GRIA1: variants seen among roughly 807,000 people sequenced by gnomAD.
GRIA1 encodes glutamate receptor 1.
In GRIA1, 31 loss-of-function variants were observed where a neutral mutation model predicts 99.2. That is an observed-to-expected ratio of 0.31 (90% confidence interval 0.23 to 0.42). GRIA1 has a LOEUF of 0.42. GRIA1 is among the 10% of genes least tolerant of loss of function. GRIA1 has a pLI of 1.00. For missense variants in GRIA1, 782 were observed against 1,157.5 expected (o/e 0.68, Z 4.71); for synonymous variants, 438 against 432.4 (o/e 1.01, Z -0.16).
chr5:153,492,688 A>G (rs1754039055), intron 1 of GRIA1, among the ~76,000 whole-genome samples: 1 of 152,108 alleles, frequency 6.6e-6, no homozygotes, highest in African/African-American at 2.4e-5. Context: ...AGGATGTTTC[A>G]TGTATGTGCT....
At chr5:153,671,967 G>A (rs533646115) in intron 5 of GRIA1, among the ~76,000 whole-genome samples, 3 of 152,244 alleles carry the variant, frequency 2.0e-5, no homozygotes, top group African/African-American at 7.2e-5. Context: ...GGGTGCTGGG[G>A]GTAACTCTAC....
At chr5:153,603,187 T>C (rs933835792) in intron 2 of GRIA1, among the ~76,000 whole-genome samples, 8 of 151,902 alleles carry the variant, frequency 5.3e-5, no homozygotes, top group African/African-American at 1.7e-4. Flanking sequence ...GTTTTTTGTC[T>C]TTGTGATAGT....
chr5:153,647,782 A>G (rs1290122856), intron 3 of GRIA1, among the ~76,000 whole-genome samples: 1 of 152,158 alleles, frequency 6.6e-6, no homozygotes. Flanking sequence ...TGAATTTAAC[A>G]TCACATTTTC....
intron 7 of GRIA1, among the ~76,000 whole-genome samples, chr5:153,682,631 A>C (rs1477271506): frequency 1.3e-5 from 2 of 151,962 alleles, no homozygotes; most frequent in African/African-American, 2.4e-5. Context: ...AATTCCTCTT[A>C]ACCCCGATGC....
chr5:153,723,847 T>C (rs549496437), intron 11 of GRIA1, among the ~76,000 whole-genome samples: 191 of 152,164 alleles, frequency 1.3e-3, no homozygotes, highest in Non-Finnish European at 1.5e-3. Flanking sequence ...AGCAGTAACC[T>C]CTGCAGACTT....
At chr5:153,672,872 C>A (rs1316660780) in intron 5 of GRIA1, among the ~76,000 whole-genome samples, 3 of 152,166 alleles carry the variant, frequency 2.0e-5, no homozygotes, top group Non-Finnish European at 4.4e-5. Flanking sequence ...CCTGTATGAT[C>A]CCACTCAAAT....
chr5:153,507,584 G>A (rs562251169), intron 2 of GRIA1, among the ~76,000 whole-genome samples: 4 of 152,072 alleles, frequency 2.6e-5, no homozygotes, highest in South Asian at 2.1e-4. Context: ...TCAATATTAT[G>A]TGTTGATTTC....
chr5:153,799,926 T>C (rs756897241), intron 14 of GRIA1, among the ~76,000 whole-genome samples: 1 of 152,150 alleles, frequency 6.6e-6, no homozygotes, highest in Non-Finnish European at 1.5e-5. Context: ...TTCCTAGATA[T>C]ACTGGAAGTG....
intron 2 of GRIA1, among the ~76,000 whole-genome samples, chr5:153,632,856 A>C (rs900234341): frequency 6.6e-6 from 1 of 152,236 alleles, no homozygotes; most frequent in Admixed American, 6.5e-5. Flanking sequence ...ACATGCTAAG[A>C]CAGAAAGTAC....
intron 2 of GRIA1, among the ~76,000 whole-genome samples, chr5:153,604,340 A>G (rs1765266852): frequency 6.6e-6 from 1 of 152,230 alleles, no homozygotes; most frequent in Non-Finnish European, 1.5e-5. Context: ...TAGTTCATGG[A>G]TGAAATATGT....
At chr5:153,713,345 C>T (rs1240777719) in intron 11 of GRIA1, among the ~76,000 whole-genome samples, 1 of 152,248 alleles carries the variant, frequency 6.6e-6, no homozygotes, top group Non-Finnish European at 1.5e-5. Context: ...CACAAAGGGA[C>T]TGGCCCAGGT....
At chr5:153,525,980 A>G (rs1303480425) in intron 2 of GRIA1, among the ~76,000 whole-genome samples, 2 of 152,174 alleles carry the variant, frequency 1.3e-5, no homozygotes, top group Non-Finnish European at 2.9e-5. Flanking sequence ...AGCAACAGTC[A>G]CTCAACACTG....
At chr5:153,747,263 G>C (rs1231962520) in intron 11 of GRIA1, among the ~76,000 whole-genome samples, 2 of 152,146 alleles carry the variant, frequency 1.3e-5, no homozygotes, top group African/African-American at 4.8e-5. Flanking sequence ...AAGAGAGGGG[G>C]CAAGAGGGAG....
intron 2 of GRIA1, among the ~76,000 whole-genome samples, chr5:153,574,793 TC>T (rs1762395497): frequency 6.6e-6 from 1 of 152,102 alleles, no homozygotes; most frequent in South Asian, 2.1e-4. Flanking sequence ...GGGTTCTAGT[TC>T]TTTCAGATAG....
At chr5:153,765,863 G>GT (rs1229396613) in intron 12 of GRIA1, among the ~76,000 whole-genome samples, 5 of 152,116 alleles carry the variant, frequency 3.3e-5, no homozygotes, top group Non-Finnish European at 7.4e-5. Context: ...GTTAGGATAG[G>GT]TCCCCATTTT....
intron 10 of GRIA1, among the ~76,000 whole-genome samples, chr5:153,703,178 C>T (rs1328406878): frequency 6.6e-6 from 1 of 152,188 alleles, no homozygotes; most frequent in Non-Finnish European, 1.5e-5. Flanking sequence ...AGTAGTTGAA[C>T]TTAGCATCTC....
At chr5:153,524,943 A>G (rs1581173884) in intron 2 of GRIA1, among the ~76,000 whole-genome samples, 1 of 152,220 alleles carries the variant, frequency 6.6e-6, no homozygotes, top group East Asian at 1.9e-4. Context: ...TATTTGCTAT[A>G]TTTGGCAGAA....
At chr5:153,536,996 C>T (rs948497062) in intron 2 of GRIA1, among the ~76,000 whole-genome samples, 1 of 152,138 alleles carries the variant, frequency 6.6e-6, no homozygotes, top group African/African-American at 2.4e-5. Flanking sequence ...GTTTCCTCAA[C>T]CATAAAATGA....
intron 2 of GRIA1, among the ~76,000 whole-genome samples, chr5:153,616,704 A>C (rs919804302): frequency 6.6e-6 from 1 of 152,224 alleles, no homozygotes; most frequent in Non-Finnish European, 1.5e-5. Flanking sequence ...AATTGTCATC[A>C]GATGGTTCAA....
Sources: gnomAD v4.1 joint callset for allele counts (sites outside exome capture counted in the v4.1 genomes callset) on GRCh38, gnomAD v4.1.1 for gene constraint, MANE v1.5 for transcripts, NCBI Gene and HGNC (gene_info 2026-07-23, HGNC 2026-07-21) for gene names.